MSRA: variants seen among roughly 807,000 people sequenced by gnomAD.
MSRA encodes the protein mitochondrial peptide methionine sulfoxide reductase.
A neutral mutation model predicts 31.3 loss-of-function variants in MSRA; 54 were observed. That is an observed-to-expected ratio of 1.73 (90% CI 1.39 to 2.17). MSRA has a LOEUF of 2.17. MSRA is among the 30% of genes most tolerant of loss of function. The pLI, the probability that MSRA is intolerant of heterozygous loss-of-function variation, is 0.00. For synonymous variants in MSRA, 169 were observed against 116.5 expected (o/e 1.45, Z -2.90); for missense variants, 507 against 300.9 (o/e 1.69, Z -5.07).
intron 1 of MSRA, among the ~76,000 whole-genome samples, chr8:10,168,251 A>T: frequency 6.6e-6 from 1 of 152,210 alleles, no homozygotes; most frequent in East Asian, 1.9e-4. Context: ...CTATTACTTT[A>T]TTAATAATCT....
At chr8:10,322,035 A>G (rs756077128) in intron 5 of MSRA, among the ~76,000 whole-genome samples, 1 of 152,056 alleles carries the variant, frequency 6.6e-6, no homozygotes. Flanking sequence ...CCTTTTTCGT[A>G]ATGGCTTTTG....
intron 1 of MSRA, among the ~76,000 whole-genome samples, chr8:10,202,799 C>G (rs925889674): frequency 1.3e-5 from 2 of 152,100 alleles, no homozygotes; most frequent in Non-Finnish European, 2.9e-5. Flanking sequence ...ATTTAATTCT[C>G]AAAACACCCC....
intron 3 of MSRA, among the ~76,000 whole-genome samples, chr8:10,246,433 C>T (rs1036409800): frequency 6.6e-6 from 1 of 152,204 alleles, no homozygotes; most frequent in Non-Finnish European, 1.5e-5. Flanking sequence ...ATTATATTCA[C>T]CATTTTAAGA....
intron 5 of MSRA, among the ~76,000 whole-genome samples, chr8:10,371,341 T>C (rs1054363464): frequency 6.6e-6 from 1 of 152,054 alleles, no homozygotes; most frequent in Non-Finnish European, 1.5e-5. Context: ...ATGCTGGACA[T>C]GGGGAGAGTG....
intron 5 of MSRA, 151 bp from the exon 6 acceptor site, chr8:10,427,997 C>G (rs1205031466): frequency 1.6e-5 from 12 of 728,226 alleles, no homozygotes; most frequent in Non-Finnish European, 2.4e-5. Context: ...CGTCACTCCA[C>G]TTGGAATGCG....
intron 1 of MSRA, among the ~76,000 whole-genome samples, chr8:10,098,202 T>A (rs530895308): frequency 2.0e-5 from 3 of 152,180 alleles, no homozygotes; most frequent in Non-Finnish European, 4.4e-5. Flanking sequence ...TATTTTAAAG[T>A]ATATAAATAC....
chr8:10,383,323 C>T (rs921785831), intron 5 of MSRA, among the ~76,000 whole-genome samples: 2 of 152,140 alleles, frequency 1.3e-5, no homozygotes, highest in African/African-American at 4.8e-5. Context: ...TGCATGGGGT[C>T]CTGCAATGAG....
chr8:10,280,414 G>A (rs979061165), intron 3 of MSRA, among the ~76,000 whole-genome samples: 5 of 152,070 alleles, frequency 3.3e-5, no homozygotes, highest in Non-Finnish European at 7.3e-5. Context: ...CGTTTTGATA[G>A]TAGCAGCTCC....
In MSRA at chr8:10,428,189, C is replaced by A. The variant is rs779669937; in HGVS notation, c.585C>A (p.Ile195=). 1 of 1,614,040 alleles carries A rather than the reference C, an allele frequency of 6.2e-7. No homozygotes were observed. Among genetic ancestry groups the A allele is most frequent in the East Asian group, 2.2e-5 (1 of 44,890 alleles). The change falls in exon 6 of 6, where the codon ATC becomes ATA. Residue 195 remains isoleucine (I), a synonymous_variant. Transcript: ENST00000317173. ...GCTTCGGCCCCATCACTACCGACAT[C>A]CGGGAGGGACAGACTTTCTACTATG... ...EHGFGPITTD[I]REGQTFYYAE...
chr8:10,387,303 G>A (rs1563421975), intron 5 of MSRA, among the ~76,000 whole-genome samples: 1 of 152,200 alleles, frequency 6.6e-6, no homozygotes, highest in South Asian at 2.1e-4. Context: ...GTGAATAGTT[G>A]TCATTTTAGG....
Position 10,106,485 on chromosome 8 carries a change from A to T in MSRA, c.142+51827A>T, listed in dbSNP as rs563348131. Among the ~76,000 whole-genome samples, 270 of 152,328 alleles carry T rather than the reference A, an allele frequency of 1.8e-3. 1 individual carries two copies. Among genetic ancestry groups the T allele is most frequent in the Non-Finnish European group, 3.1e-3 (211 of 68,038 alleles). On this transcript the variant is annotated intron_variant, in intron 1 of 5. Transcript: ENST00000317173. Reference sequence around the variant, plus strand: ...ACTTCAATAAAGAGTATATGAAAATAATGACTGTTGTTTAATTACAAACCC... The same window carrying T: ...ACTTCAATAAAGAGTATATGAAAATTATGACTGTTGTTTAATTACAAACCC...
At chr8:10,312,997 G>A (rs1801515857) in intron 4 of MSRA, among the ~76,000 whole-genome samples, 1 of 152,138 alleles carries the variant, frequency 6.6e-6, no homozygotes, top group Non-Finnish European at 1.5e-5. Context: ...CATTGGAGTG[G>A]GGGTCCTAGC....
At chr8:10,254,150 A>G (rs1407972149) in intron 3 of MSRA, among the ~76,000 whole-genome samples, 2 of 152,096 alleles carry the variant, frequency 1.3e-5, no homozygotes, top group Non-Finnish European at 2.9e-5. Flanking sequence ...GAAGTCTCTC[A>G]GGGAATGCCG....
intron 1 of MSRA, among the ~76,000 whole-genome samples, chr8:10,079,074 A>G (rs1301792506): frequency 6.6e-6 from 1 of 152,174 alleles, no homozygotes; most frequent in East Asian, 1.9e-4. Flanking sequence ...CTGCTTCCCC[A>G]TCCCGCAGAG....
chr8:10,376,618 T>A (rs1805771142), intron 5 of MSRA, among the ~76,000 whole-genome samples: 1 of 152,214 alleles, frequency 6.6e-6, no homozygotes. Context: ...AAGTGCTTAA[T>A]AAATAGTAGC....
chr8:10,254,398 T>C (rs1047396287), intron 3 of MSRA, among the ~76,000 whole-genome samples: 1 of 152,240 alleles, frequency 6.6e-6, no homozygotes, highest in Non-Finnish European at 1.5e-5. Context: ...TCCACTCTGG[T>C]TTATTGTTAT....
chr8:10,385,735 G>A (rs866195600), intron 5 of MSRA, among the ~76,000 whole-genome samples: 5 of 150,262 alleles, frequency 3.3e-5, no homozygotes, highest in South Asian at 2.1e-4. Flanking sequence ...AAGAGCTACC[G>A]GTGTCATAGC....
chr8:10,144,794 C>G (rs1329759337), intron 1 of MSRA, among the ~76,000 whole-genome samples: 1 of 152,086 alleles, frequency 6.6e-6, no homozygotes, highest in Non-Finnish European at 1.5e-5. Context: ...TCACAGCTGG[C>G]TCATCAGAGG....
chr8:10,171,470 C>T (rs1441428829), intron 1 of MSRA, among the ~76,000 whole-genome samples: 1 of 151,412 alleles, frequency 6.6e-6, no homozygotes, highest in Non-Finnish European at 1.5e-5. Context: ...CTTTTAGTTT[C>T]CGTGAGAGAA....
Sources: gnomAD v4.1 joint callset for allele counts (sites outside exome capture counted in the v4.1 genomes callset) on GRCh38, gnomAD v4.1.1 for gene constraint, MANE v1.5 for transcripts, NCBI Gene and HGNC (gene_info 2026-07-23, HGNC 2026-07-21) for gene names.